The following HAS3 variants were observed in gnomAD, a reference collection of about 807,000 sequenced individuals.
HAS3 encodes hyaluronan synthase 3.
A neutral mutation model predicts 50.3 loss-of-function variants in HAS3; 27 were observed. The observed-to-expected ratio is 0.54, with a 90% confidence interval of 0.40 to 0.74. HAS3 has a LOEUF of 0.74. HAS3 is among the 30% of genes least tolerant of loss of function. The pLI, the probability that HAS3 is intolerant of heterozygous loss-of-function variation, is 0.00. For missense variants in HAS3, 517 were observed against 742.8 expected (o/e 0.70, Z 3.53); for synonymous variants, 339 against 310.9 (o/e 1.09, Z -0.95).
At position 69,107,672 on chromosome 16, in the gene HAS3, G is replaced by T. The variant is rs921092519; in HGVS notation, c.1-1724G>T. ...TACCCAGAGCGCAGGCAGGCAGGGG[G>T]GTCCCGCCGCGCCCCTTCAGCATGT... On this transcript the variant is annotated intron_variant, in intron 1 of 3. Coordinates refer to ENST00000569188, the MANE Select transcript of HAS3 (RefSeq NM_001199280.2). This position sits in a 1 kb window ranked among gnomAD's most constrained non-coding sequence, Gnocchi z 5.5. The T allele has an allele frequency of 8.1e-6, 8 of 985,500 alleles. No individual in the cohort carries two copies. Among genetic ancestry groups the T allele is most frequent in the Middle Eastern group, 5.2e-4 (1 of 1,936 alleles). The allele number at this position is 985,500 out of a possible 1,614,324, so 61.0% of individuals were successfully genotyped here.
At chr16:69,111,910 TG>T (rs1347229549) in intron 2 of HAS3, among the ~76,000 whole-genome samples, 1 of 152,202 alleles carries the variant, frequency 6.6e-6, no homozygotes, top group Non-Finnish European at 1.5e-5. Flanking sequence ...TGGGTTCTGG[TG>T]GATCAGCAAA....
At chr16:69,101,326 A>C (rs1960694627), upstream of HAS3, among the ~76,000 whole-genome samples, 1 of 152,120 alleles carries the variant, frequency 6.6e-6, no homozygotes, top group African/African-American at 2.4e-5. Context: ...TTTGAGGCAA[A>C]GTCTTACTCT....
At chr16:69,118,677 A>AAAT, downstream of HAS3, 2 of 676,524 alleles carry the variant, frequency 3.0e-6, no homozygotes, top group East Asian at 5.4e-5. Flanking sequence ...CACATGCCAC[A>AAAT]AATAACATCT....
rs761425857 is a variant in HAS3 at position 69,117,223 on chromosome 16, G to A, written c.*1957G>A. ...CAGCCAAGTGCAGAGTTCAGACTTC[G>A]CTAAGGGCTTGTTTTTCTTCAGCAT... is the stretch of plus-strand genomic sequence containing the variant. On this transcript the variant is annotated 3_prime_UTR_variant, in exon 4 of 4. Coordinates refer to ENST00000569188, the MANE Select transcript of HAS3 (RefSeq NM_001199280.2). 4.1e-6 allele frequency: 4 copies of A among 985,682 alleles called. No homozygotes were observed. Among genetic ancestry groups the A allele is most frequent in the Non-Finnish European group, 4.8e-6 (4 of 829,896 alleles). 61.1% of individuals were successfully genotyped at this position (985,682 alleles called of 1,614,324 possible).
rs2152259988 is a variant in HAS3, at chr16:69,114,170, G to A, written c.739-173G>A. On this transcript the variant is annotated intron_variant, in intron 3 of 3. Transcript: ENST00000569188. The surrounding 1 kb of genome is among the most constrained non-coding windows in gnomAD (Gnocchi z 6.4). Reference sequence around the variant, plus strand: ...AGGTAGAGCTGGTGCTGGGGACAGGGATTGTGTGTGGTTGGCTCCTCTGAG... The same window carrying A: ...AGGTAGAGCTGGTGCTGGGGACAGGAATTGTGTGTGGTTGGCTCCTCTGAG... 6.6e-6 allele frequency among the ~76,000 whole-genome samples: 1 copy of A among 152,336 alleles called. No homozygotes were observed. The highest frequency in any genetic ancestry group is 1.9e-4 in the East Asian group (1 of 5,184).
chr16:69,085,090 A>G, the HAS3 span: 1 of 152,358 alleles, frequency 6.6e-6, no homozygotes, highest in Non-Finnish European at 1.5e-5. Context: ...GGATGTCTAG[A>G]AAATGGGCAT....
At chr16:69,108,156 G>T (rs1960870645) in intron 1 of HAS3, among the ~76,000 whole-genome samples, 1 of 152,154 alleles carries the variant, frequency 6.6e-6, no homozygotes, top group African/African-American at 2.4e-5. Context: ...AGAATGGGAA[G>T]GCCGGCAGCC....
At chr16:69,118,711 A>G, downstream of HAS3, 1 of 648,544 alleles carries the variant, frequency 1.5e-6, no homozygotes, top group Non-Finnish European at 2.8e-6. Flanking sequence ...GAAAAACGCA[A>G]AGGAAAAAGA....
At chr16:69,108,738 T>C (rs1206456019) in intron 1 of HAS3, among the ~76,000 whole-genome samples, 1 of 152,202 alleles carries the variant, frequency 6.6e-6, no homozygotes, top group Non-Finnish European at 1.5e-5. Context: ...TTCCTGCCTC[T>C]CAAGTAAAAG....
the HAS3 span, among the ~76,000 whole-genome samples, chr16:69,085,801 A>C: frequency 6.7e-6 from 1 of 149,476 alleles, no homozygotes; most frequent in African/African-American, 2.5e-5. Context: ...CTGATCTTGA[A>C]CTCCTGGCCT....
chr16:69,107,348 G>A lies in HAS3; in HGVS notation c.-1+1561G>A. 1 of 983,980 alleles carries A rather than the reference G, an allele frequency of 1.0e-6. No individual in the cohort carries two copies. Among genetic ancestry groups the A allele is most frequent in the Non-Finnish European group, 1.2e-6 (1 of 828,600 alleles). 61.0% of individuals were successfully genotyped at this position (983,980 alleles called of 1,614,324 possible). ...AGGGAAGGAGAGGGCCGGCTACACC[G>A]GGGATGCGCCTTTGTCTACAGGCAC... On this transcript the variant is annotated intron_variant, in intron 1 of 3. Coordinates refer to ENST00000569188, the MANE Select transcript of HAS3 (RefSeq NM_001199280.2). This position sits in a 1 kb window ranked among gnomAD's most constrained non-coding sequence, Gnocchi z 5.5.
At position 69,116,593 on chromosome 16, in the gene HAS3, G is replaced by C; in HGVS notation, c.*1327G>C. 1 of 985,628 alleles carries C rather than the reference G, an allele frequency of 1.0e-6. No homozygotes were observed. The highest frequency in any genetic ancestry group is 1.7e-5 in the African/African-American group (1 of 57,358). 61.1% of individuals were successfully genotyped at this position (985,628 alleles called of 1,614,324 possible). A position where few individuals can be genotyped will look rare whatever the true frequency, so the allele number is the denominator to read the frequency against. ...CCAAGTTGTGACAGTCACTGCATTT[G>C]CCTGCTTCTTTCCAGAAACCAAACT... is the stretch of plus-strand genomic sequence containing the variant. On this transcript the variant is annotated 3_prime_UTR_variant, in exon 4 of 4. Transcript: ENST00000569188.
chr16:69,088,557 CAAAAA>C, the HAS3 span, among the ~76,000 whole-genome samples: 1 of 52,284 alleles, frequency 1.9e-5, no homozygotes, highest in South Asian at 6.7e-4. Context: ...GACTCCATCT[CAAAAA>C]AAAAAAAAAA....
In HAS3 at chr16:69,109,319, CAG is replaced by C; in HGVS notation, c.1-73_1-72del. 1 of 1,430,550 alleles carries C rather than the reference CAG, an allele frequency of 7.0e-7. No individual in the cohort carries two copies. The highest frequency in any genetic ancestry group is 1.3e-5 in the South Asian group (1 of 76,248). 88.6% of individuals were successfully genotyped at this position (1,430,550 alleles called of 1,614,324 possible). ...ATCAGTGGGTCATGTCCACTAGTAA[CAG>C]AGAACACCCATGCTCCCACGGACTG... On this transcript the variant is annotated intron_variant, in intron 1 of 3. Transcript: ENST00000569188. This position sits in a 1 kb window ranked among gnomAD's most constrained non-coding sequence, Gnocchi z 5.3.
At position 69,109,957 on chromosome 16, in the gene HAS3, C is replaced by G. The variant is rs1370942394; in HGVS notation, c.562C>G (p.Gln188Glu). 1.2e-6 allele frequency: 2 copies of G among 1,613,930 alleles called. No homozygotes were observed. Among genetic ancestry groups the G allele is most frequent in the African/African-American group, 2.7e-5 (2 of 74,946 alleles). Residue 188 changes from glutamine (Q) to glutamate (E), a missense_variant, in exon 2 of 4, where the codon CAG (glutamine) becomes GAG (glutamate). By Grantham distance (29) the Gln-to-Glu change is conservative (BLOSUM62 2). Coordinates refer to ENST00000569188, the MANE Select transcript of HAS3 (RefSeq NM_001199280.2). The surrounding 1 kb of genome is among the most constrained non-coding windows in gnomAD (Gnocchi z 5.3). ...GGCCAGCACCTTCTCGTGCATCATG[C>G]AGAAGTGGGGAGGCAAGCGCGAGGT... ...VRASTFSCIMQKWGGKREVMY... is the reference protein window; with the variant it reads ...VRASTFSCIMEKWGGKREVMY...
the HAS3 span, among the ~76,000 whole-genome samples, chr16:69,091,613 A>T: frequency 1.3e-5 from 2 of 152,142 alleles, no homozygotes; most frequent in East Asian, 1.9e-4. Flanking sequence ...CAGGACTAGG[A>T]AGCCTTCAGG....
At chr16:69,096,613 A>ATT in the HAS3 span, among the ~76,000 whole-genome samples, 2,846 of 101,274 alleles carry the variant, frequency 0.028, 316 homozygotes, top group African/African-American at 0.11. Context: ...CCCAACACCA[A>ATT]TTTTTTTTTT....
chr16:69,096,706 C>T, the HAS3 span, among the ~76,000 whole-genome samples: 22 of 150,342 alleles, frequency 1.5e-4, no homozygotes, highest in Non-Finnish European at 3.0e-4. Context: ...CAACCTCCGC[C>T]TCCCGGGTTC....
chr16:69,087,694 G>A, the HAS3 span, among the ~76,000 whole-genome samples: 4 of 138,560 alleles, frequency 2.9e-5, no homozygotes, highest in Admixed American at 7.3e-5. Flanking sequence ...CACCGCACCC[G>A]GCTTTTTTTT....
Sources: gnomAD v4.1 joint callset for allele counts (sites outside exome capture counted in the v4.1 genomes callset) on GRCh38, gnomAD v4.1.1 for gene constraint, Gnocchi (gnomAD v3.1) non-coding constraint, MANE v1.5 for transcripts, NCBI Gene and HGNC (gene_info 2026-07-23, HGNC 2026-07-21) for gene names.